Variants in STX11 observed in about 807,000 individuals in gnomAD.
STX11 encodes syntaxin 11.
In STX11, 21 loss-of-function variants were observed where a neutral mutation model predicts 19.9. That is an observed-to-expected ratio of 1.06 (90% confidence interval 0.75 to 1.52). The LOEUF is 1.52. Ranked by LOEUF, STX11 falls within the 40% of genes most tolerant of loss-of-function variation. The probability of loss-of-function intolerance (pLI) is 0.00; values close to 1 mark genes in which losing one functional copy is unlikely to be tolerated. For synonymous variants in STX11, 193 were observed against 174.4 expected, an observed-to-expected ratio of 1.11 and a Z score of -0.84; for missense variants, 438 against 405.9, an observed-to-expected ratio of 1.08 and a Z score of -0.68.
rs1442219424 is a variant in STX11 at position 144,190,801 on chromosome 6, G to A, written c.*3310G>A. The stretch of plus-strand genomic sequence containing the variant: ...AGTTGTAGGAAGTTGTAGAGGCTGG[G>A]TCACTGACCTAAGAGAAGGCATCAT... On this transcript the variant is annotated 3_prime_UTR_variant, in exon 2 of 2. Coordinates refer to ENST00000367568, the MANE Select transcript of STX11 (RefSeq NM_003764.4). Among the ~76,000 whole-genome samples the A allele has an allele frequency of 6.6e-6, 1 of 152,158 alleles. No homozygotes were observed. The highest frequency in any genetic ancestry group is 1.5e-5 in the Non-Finnish European group (1 of 68,020).
At chr6:144,157,149 G>A (rs1801191836) in intron 1 of STX11, among the ~76,000 whole-genome samples, 3 of 152,198 alleles carry the variant, frequency 2.0e-5, no homozygotes, top group Non-Finnish European at 4.4e-5. Flanking sequence ...ATTGGGAAGT[G>A]CTCTGGGCAC....
chr6:144,149,601 C>CGAGCA (rs1376044119), upstream of STX11, among the ~76,000 whole-genome samples: 1 of 152,150 alleles, frequency 6.6e-6, no homozygotes, highest in Non-Finnish European at 1.5e-5. This position sits in a 1 kb window ranked among gnomAD's most constrained non-coding sequence, Gnocchi z 5.1. Context: ...CTTAGCCTCC[C>CGAGCA]GAGCAGCTGG....
rs1191325785 is a variant in STX11, at chr6:144,172,958, T to C, written c.-5-13665T>C. Among the ~76,000 whole-genome samples, 1 of 152,230 alleles carries C rather than the reference T, an allele frequency of 6.6e-6. No homozygotes were observed. Among genetic ancestry groups the C allele is most frequent in the Non-Finnish European group, 1.5e-5 (1 of 68,040 alleles). Reference sequence around the variant, plus strand: ...CATAGCAGTTCTGTCCAAGCACATGTTACCAGGTGCCCCTGATCCTGGGCT... The same window carrying C: ...CATAGCAGTTCTGTCCAAGCACATGCTACCAGGTGCCCCTGATCCTGGGCT... On this transcript the variant is annotated intron_variant, in intron 1 of 1. Transcript: ENST00000367568. This position sits in a 1 kb window ranked among gnomAD's most constrained non-coding sequence, Gnocchi z 4.2.
In STX11 at chr6:144,159,174, A is replaced by T. The variant is rs1428742503; in HGVS notation, c.-6+8471A>T. On this transcript the variant is annotated intron_variant, in intron 1 of 1. Transcript: ENST00000367568. The surrounding 1 kb of genome is among the most constrained non-coding windows in gnomAD (Gnocchi z 4.3). ...ATTCTGGTGAGCGTATTTATTCAAC[A>T]ACTATTTATCGAGGCTTTCCTATAT... is the stretch of plus-strand genomic sequence containing the variant. Among the ~76,000 whole-genome samples, 4 of 152,244 alleles carry T rather than the reference A, an allele frequency of 2.6e-5. No homozygotes were observed. Among genetic ancestry groups the T allele is most frequent in the African/African-American group, 9.6e-5 (4 of 41,468 alleles).
rs1801806531 is a variant in STX11, at chr6:144,177,573, C to T, written c.-5-9050C>T. 6.6e-6 allele frequency among the ~76,000 whole-genome samples: 1 copy of T among 152,098 alleles called. No homozygotes were observed. The highest frequency in any genetic ancestry group is 6.5e-5 in the Admixed American group (1 of 15,282). On this transcript the variant is annotated intron_variant, in intron 1 of 1. Coordinates refer to ENST00000367568, the MANE Select transcript of STX11 (RefSeq NM_003764.4). The surrounding 1 kb of genome is among the most constrained non-coding windows in gnomAD (Gnocchi z 4.4). ...ACCAACCTGGCCAATATAGTGAAAC[C>T]CCATCTCTACTAAAAACACACAAAA...
In STX11 at chr6:144,150,590, G is replaced by A. The variant is rs1800975860; in HGVS notation, c.-119G>A. On this transcript the variant is annotated 5_prime_UTR_variant, in exon 1 of 2. Transcript: ENST00000367568. ...GCCTCGGCCGCAGGAGGCGCCGGGA[G>A]CGGAGCCGCCGGGAGTCGCGCAACA... The A allele has an allele frequency of 2.0e-6, 2 of 985,442 alleles. No individual in the cohort carries two copies. The highest frequency in any genetic ancestry group is 2.4e-6 in the Non-Finnish European group (2 of 829,936). The allele number at this position is 985,442 out of a possible 1,614,324, so 61.0% of individuals were successfully genotyped here. A position where few individuals can be genotyped will look rare whatever the true frequency, so the allele number is the denominator to read the frequency against.
intron 1 of STX11, among the ~76,000 whole-genome samples, chr6:144,163,665 A>G (rs1317844292): frequency 6.6e-6 from 1 of 151,962 alleles, no homozygotes; most frequent in Non-Finnish European, 1.5e-5. Context: ...TTTTTTTCTT[A>G]GTAGAGACAG....
At chr6:144,150,439 G>C (rs1235159561), upstream of STX11, 4 of 958,602 alleles carry the variant, frequency 4.2e-6, no homozygotes, top group Non-Finnish European at 2.5e-6. Flanking sequence ...CCGCGCCCCA[G>C]CGCTGTCATC....
At chr6:144,179,986 G>T (rs901561869) in intron 1 of STX11, among the ~76,000 whole-genome samples, 13 of 152,258 alleles carry the variant, frequency 8.5e-5, no homozygotes, top group Admixed American at 7.9e-4. Context: ...CATTTGCAAA[G>T]ACTCTCTTTT....
upstream of STX11, among the ~76,000 whole-genome samples, chr6:144,145,646 G>A (rs542936470): frequency 1.8e-3 from 268 of 152,252 alleles, 1 homozygote; most frequent in African/African-American, 6.2e-3. Flanking sequence ...AATAAGCCAG[G>A]CACAGAAAAA....
rs566409069 is a variant in STX11, at chr6:144,172,028, G to A, written c.-5-14595G>A. Among the ~76,000 whole-genome samples the A allele has an allele frequency of 2.8e-4, 42 of 152,214 alleles. No homozygotes were observed. The South Asian group carries it at 8.7e-3, about 32-fold the overall frequency. On this transcript the variant is annotated intron_variant, in intron 1 of 1. Coordinates refer to ENST00000367568, the MANE Select transcript of STX11 (RefSeq NM_003764.4). The surrounding 1 kb of genome is among the most constrained non-coding windows in gnomAD (Gnocchi z 4.2). Reference sequence around the variant, plus strand: ...CAATAAACTTTTGTTTTAAATGCACGAGAATTTACTTTCCAGAAATTATAA... The same window carrying A: ...CAATAAACTTTTGTTTTAAATGCACAAGAATTTACTTTCCAGAAATTATAA...
Position 144,187,755 on chromosome 6 carries a change from C to T in STX11, c.*264C>T. On this transcript the variant is annotated 3_prime_UTR_variant, in exon 2 of 2. Transcript: ENST00000367568. The surrounding 1 kb of genome is among the most constrained non-coding windows in gnomAD (Gnocchi z 5.6). ...ATTATATGACACCTTGCACTCTTACCGTCTTGACAGAAGCCAAGTAAGGAA... is the reference window on the plus strand; with the variant it reads ...ATTATATGACACCTTGCACTCTTACTGTCTTGACAGAAGCCAAGTAAGGAA... The T allele has an allele frequency of 1.7e-6, 1 of 577,040 alleles. No individual in the cohort carries two copies. The allele number at this position is 577,040 out of a possible 1,614,324, so 35.7% of individuals were successfully genotyped here.
intron 1 of STX11, among the ~76,000 whole-genome samples, chr6:144,168,585 TACATCATTTTTTCTCTC>T (rs1169644303): frequency 6.6e-6 from 1 of 152,200 alleles, no homozygotes; most frequent in Non-Finnish European, 1.5e-5. Context: ...AAGGAGGTCA[TACATCATTTTTTCTCTC>T]ATCTGATATA....
At chr6:144,178,226 G>A (rs753365622) in intron 1 of STX11, among the ~76,000 whole-genome samples, 1 of 152,150 alleles carries the variant, frequency 6.6e-6, no homozygotes, top group Non-Finnish European at 1.5e-5. Flanking sequence ...ATAACTGTAT[G>A]ACTTTAGGCA....
rs1474057440 is a variant in STX11, at chr6:144,187,430, A to G, written c.803A>G (p.Gln268Arg). 1.2e-6 allele frequency: 2 copies of G among 1,611,916 alleles called. No individual in the cohort carries two copies. Among genetic ancestry groups the G allele is most frequent in the African/African-American group, 2.7e-5 (2 of 74,942 alleles). The change falls in exon 2 of 2, where the codon CAG (glutamine) becomes CGG (arginine). Residue 268 changes from glutamine (Q) to arginine (R), a missense_variant. Gln to Arg is a conservative substitution (Grantham distance 43, BLOSUM62 1). Transcript: ENST00000367568. The surrounding 1 kb of genome is among the most constrained non-coding windows in gnomAD (Gnocchi z 5.6). ...QAKAQVRKAV[Q>R]YEEKNPCRTL... Reference sequence around the variant, plus strand: ...AAGGCGCAGGTGCGGAAGGCCGTGCAGTACGAGGAGAAGAACCCCTGCCGG... The same window carrying G: ...AAGGCGCAGGTGCGGAAGGCCGTGCGGTACGAGGAGAAGAACCCCTGCCGG...
chr6:144,190,363 T>TA lies in STX11; in HGVS notation c.*2876dup, dbSNP rs1280726190. Among the ~76,000 whole-genome samples the TA allele has an allele frequency of 6.6e-6, 1 of 152,234 alleles. No individual in the cohort carries two copies. The highest frequency in any genetic ancestry group is 2.4e-5 in the African/African-American group (1 of 41,468). ...TTGTGAAAAGTGATGACTGAATATG[T>TA]AAAAGCACCTAGAACAGTGCCTGGC... On this transcript the variant is annotated 3_prime_UTR_variant, in exon 2 of 2. Transcript: ENST00000367568.
intron 1 of STX11, among the ~76,000 whole-genome samples, chr6:144,186,093 T>C (rs562189196): frequency 4.9e-5 from 7 of 141,708 alleles, no homozygotes; most frequent in East Asian, 2.1e-4. Context: ...TTTGCAATGA[T>C]TGGAAAACAT....
At chr6:144,156,110 G>A (rs1051448415) in intron 1 of STX11, among the ~76,000 whole-genome samples, 3 of 131,380 alleles carry the variant, frequency 2.3e-5, no homozygotes, top group Admixed American at 1.6e-4. Flanking sequence ...TATTGCACAG[G>A]CGGGAGTGCA....
At chr6:144,146,836 C>A (rs1800882663), upstream of STX11, among the ~76,000 whole-genome samples, 1 of 152,134 alleles carries the variant, frequency 6.6e-6, no homozygotes, top group African/African-American at 2.4e-5. This position sits in a 1 kb window ranked among gnomAD's most constrained non-coding sequence, Gnocchi z 4.4. Context: ...GGTTTACAGG[C>A]TACCACACAG....
Sources: allele counts gnomAD v4.1 joint callset (sites outside exome capture counted in the v4.1 genomes callset), GRCh38; gene constraint gnomAD v4.1.1; non-coding constraint Gnocchi (gnomAD v3.1); transcripts MANE v1.5; gene names NCBI Gene and HGNC (gene_info 2026-07-23, HGNC 2026-07-21).